Variants in JAZF1 observed in about 807,000 individuals in gnomAD.
The protein encoded by JAZF1 is juxtaposed with another zinc finger protein 1.
A neutral mutation model predicts 26.4 loss-of-function variants in JAZF1; 8 were observed. The ratio of observed to expected loss-of-function variants is 0.30; its 90% CI spans 0.18 to 0.55. The LOEUF (loss-of-function observed/expected upper bound fraction) is 0.55, where lower values mean the gene tolerates loss of function less well. Ranked by LOEUF, JAZF1 falls within the 20% of genes least tolerant of loss-of-function variation. The pLI, the probability that JAZF1 is intolerant of heterozygous loss-of-function variation, is 0.94. For missense variants in JAZF1, 199 were observed against 322.0 expected (o/e 0.62, Z 2.92); for synonymous variants, 126 against 122.3 (o/e 1.03, Z -0.20).
At chr7:28,141,256 C>T (rs1782955736) in intron 1 of JAZF1, among the ~76,000 whole-genome samples, 1 of 152,176 alleles carries the variant, frequency 6.6e-6, no homozygotes, top group Non-Finnish European at 1.5e-5. Context: ...GCACCTCCTA[C>T]ATGGAAAGCC....
chr7:27,921,965 C>CT (rs1784536278), intron 2 of JAZF1, among the ~76,000 whole-genome samples: 1 of 152,330 alleles, frequency 6.6e-6, no homozygotes, highest in South Asian at 2.1e-4. Flanking sequence ...TATACGAACT[C>CT]TATGATTTCC....
chr7:27,960,390 GT>G (rs1785167811), intron 2 of JAZF1, among the ~76,000 whole-genome samples: 1 of 152,170 alleles, frequency 6.6e-6, no homozygotes, highest in South Asian at 2.1e-4. Context: ...ATTTCTTTAG[GT>G]TACACTCACT....
chr7:28,104,337 A>T (rs1437132340), intron 1 of JAZF1, among the ~76,000 whole-genome samples: 1 of 152,204 alleles, frequency 6.6e-6, no homozygotes, highest in African/African-American at 2.4e-5. Context: ...CTAACACATA[A>T]ATTCCACAAA....
rs575170859 is a variant in JAZF1, at chr7:28,120,971, G to A, written c.115+59492C>T. On this transcript the variant is annotated intron_variant, in intron 1 of 4. Transcript: ENST00000283928. ...TCCCAGTACTTTGGGAGGCCAAGGCGGGTGGATCACTTGATGTCAGGAGTT... is the reference window on the plus strand; with the variant it reads ...TCCCAGTACTTTGGGAGGCCAAGGCAGGTGGATCACTTGATGTCAGGAGTT... 3.2e-4 allele frequency among the ~76,000 whole-genome samples: 49 copies of A among 152,070 alleles called. 1 individual carries two copies. Among genetic ancestry groups the A allele is most frequent in the Admixed American group, 8.5e-4 (13 of 15,272 alleles).
intron 2 of JAZF1, among the ~76,000 whole-genome samples, chr7:27,962,548 T>A (rs1044014554): frequency 6.6e-6 from 1 of 152,220 alleles, no homozygotes; most frequent in African/African-American, 2.4e-5. Flanking sequence ...AAGGGATCAG[T>A]CCTTGTATTT....
intron 1 of JAZF1, among the ~76,000 whole-genome samples, chr7:28,004,997 A>AC (rs1410053199): frequency 2.6e-5 from 4 of 151,944 alleles, no homozygotes; most frequent in Non-Finnish European, 4.4e-5. Context: ...GTTTATTTCC[A>AC]CCCCTTTCAC....
intron 1 of JAZF1, among the ~76,000 whole-genome samples, chr7:28,085,573 G>A (rs1054759166): frequency 9.2e-5 from 14 of 152,054 alleles, no homozygotes; most frequent in African/African-American, 3.4e-4. Context: ...ATCCCCCCGT[G>A]ATTTTTTATG....
chr7:27,899,583 C>T (rs541779373), intron 2 of JAZF1, among the ~76,000 whole-genome samples: 1 of 151,904 alleles, frequency 6.6e-6, no homozygotes, highest in South Asian at 2.1e-4. Context: ...TACAGGCACG[C>T]CCCCCCATGC....
At chr7:28,131,847 A>G (rs1222589773) in intron 1 of JAZF1, among the ~76,000 whole-genome samples, 2 of 152,184 alleles carry the variant, frequency 1.3e-5, no homozygotes, top group African/African-American at 4.8e-5. Flanking sequence ...GGGAAAATTG[A>G]CAAAACACTT....
intron 2 of JAZF1, among the ~76,000 whole-genome samples, chr7:27,902,713 T>C (rs1217837727): frequency 6.6e-6 from 1 of 152,160 alleles, no homozygotes; most frequent in Non-Finnish European, 1.5e-5. Flanking sequence ...AGGTTCCTGG[T>C]TCATAAAAGA....
chr7:28,131,145 A>G (rs1380952446), intron 1 of JAZF1, among the ~76,000 whole-genome samples: 3 of 152,212 alleles, frequency 2.0e-5, no homozygotes, highest in African/African-American at 7.2e-5. Flanking sequence ...AATTTTAAGA[A>G]GCCCTAACTT....
intron 3 of JAZF1, chr7:27,863,845 C>G (rs1334509146): frequency 1.3e-5 from 2 of 152,234 alleles, no homozygotes; most frequent in African/African-American, 4.8e-5. Context: ...CGTCACCTAC[C>G]TGAGATTCAG....
At chr7:28,142,562 G>A (rs1256393693) in intron 1 of JAZF1, among the ~76,000 whole-genome samples, 13 of 152,164 alleles carry the variant, frequency 8.5e-5, no homozygotes, top group African/African-American at 1.4e-4. Context: ...TCTACCGTGC[G>A]CACCTTTCCT....
chr7:28,146,796 C>T (rs1202889773), intron 1 of JAZF1, among the ~76,000 whole-genome samples: 1 of 150,758 alleles, frequency 6.6e-6, no homozygotes, highest in African/African-American at 2.4e-5. Flanking sequence ...GTCTAAAATG[C>T]TTGAAACCTG....
chr7:27,873,708 C>A (rs1783623717), intron 3 of JAZF1, among the ~76,000 whole-genome samples: 1 of 152,198 alleles, frequency 6.6e-6, no homozygotes. Context: ...TTTATTTACA[C>A]CTTGTCTTCC....
At chr7:27,851,734 C>A (rs1783154163) in intron 3 of JAZF1, among the ~76,000 whole-genome samples, 1 of 152,160 alleles carries the variant, frequency 6.6e-6, no homozygotes, top group Admixed American at 6.5e-5. Flanking sequence ...CCAATGATCA[C>A]AATGACTACC....
chr7:28,042,744 T>C (rs1010887069), intron 1 of JAZF1, among the ~76,000 whole-genome samples: 49 of 152,174 alleles, frequency 3.2e-4, no homozygotes, highest in African/African-American at 1.1e-3. Context: ...CAAATACCAT[T>C]GTGTTATAAT....
chr7:27,982,189 C>A (rs780658104), intron 2 of JAZF1, among the ~76,000 whole-genome samples: 1 of 152,216 alleles, frequency 6.6e-6, no homozygotes, highest in Non-Finnish European at 1.5e-5. Flanking sequence ...TAGGGGAATT[C>A]CCTTTCCTAG....
At chr7:27,969,763 G>A (rs762451386) in intron 2 of JAZF1, among the ~76,000 whole-genome samples, 11 of 151,594 alleles carry the variant, frequency 7.3e-5, no homozygotes, top group Non-Finnish European at 1.5e-4. Flanking sequence ...ATTCTGAGCT[G>A]CAGGTTTTTA....
Sources: gnomAD v4.1 joint callset for allele counts (sites outside exome capture counted in the v4.1 genomes callset) on GRCh38, gnomAD v4.1.1 for gene constraint, MANE v1.5 for transcripts, NCBI Gene and HGNC (gene_info 2026-07-23, HGNC 2026-07-21) for gene names.